The following CADPS2 variants were observed in gnomAD, a reference collection of about 807,000 sequenced individuals.
CADPS2 encodes the protein calcium dependent secretion activator 2, also known as calcium-dependent secretion activator 2.
CADPS2 carries 93 observed loss-of-function variants against 172.5 expected under a neutral mutation model. The ratio of observed to expected loss-of-function variants is 0.54; its 90% CI spans 0.46 to 0.64. The LOEUF (loss-of-function observed/expected upper bound fraction) is 0.64. Among genes scored for constraint, CADPS2 ranks in the 30% least tolerant of loss-of-function variants. The probability of loss-of-function intolerance (pLI) is 0.00; values close to 1 mark genes in which losing one functional copy is unlikely to be tolerated. For synonymous variants in CADPS2, 546 were observed against 555.2 expected (o/e 0.98, Z 0.23); for missense variants, 1,420 against 1,565.9 (o/e 0.91, Z 1.57).
chr7:122,341,339 A>G (rs1287053904), intron 28 of CADPS2, among the ~76,000 whole-genome samples: 1 of 152,218 alleles, frequency 6.6e-6, no homozygotes, highest in Non-Finnish European at 1.5e-5. Flanking sequence ...CCTTTATGCA[A>G]TCAGTCCAGT....
chr7:122,457,662 C>T (rs2053952461), intron 14 of CADPS2, among the ~76,000 whole-genome samples: 8 of 152,154 alleles, frequency 5.3e-5, no homozygotes. Flanking sequence ...GCCCACATTC[C>T]TCCTGAAAAT....
chr7:122,527,617 A>AGAGAGAGAGAGAGAGAGAGAGAGT, intron 8 of CADPS2, among the ~76,000 whole-genome samples: 1 of 83,806 alleles, frequency 1.2e-5, no homozygotes, highest in Non-Finnish European at 2.6e-5. Flanking sequence ...AGAGAGAGAG[A>AGAGAGAGAGAGAGAGAGAGAGAGT]GTGTGTGTGT....
intron 5 of CADPS2, among the ~76,000 whole-genome samples, chr7:122,618,086 T>C (rs1290581005): frequency 6.6e-6 from 1 of 152,106 alleles, no homozygotes; most frequent in East Asian, 1.9e-4. Context: ...CTGATAACAT[T>C]CCCCCACTTT....
chr7:122,576,167 C>G (rs1239467399), intron 7 of CADPS2, among the ~76,000 whole-genome samples: 6 of 152,052 alleles, frequency 3.9e-5, no homozygotes, highest in Non-Finnish European at 5.9e-5. Context: ...GAGTACTGGC[C>G]AATTATCCTG....
chr7:122,631,017 A>G (rs1251998413), intron 3 of CADPS2, among the ~76,000 whole-genome samples: 2 of 152,162 alleles, frequency 1.3e-5, no homozygotes, highest in Non-Finnish European at 2.9e-5. Flanking sequence ...AATGATTAAA[A>G]TTAAAAACTA....
intron 1 of CADPS2, among the ~76,000 whole-genome samples, chr7:122,754,188 C>A (rs2093065130): frequency 6.6e-6 from 1 of 152,142 alleles, no homozygotes; most frequent in African/African-American, 2.4e-5. Flanking sequence ...CTTTTCAAAA[C>A]TGTCCCTATT....
intron 2 of CADPS2, among the ~76,000 whole-genome samples, chr7:122,720,098 G>C (rs1436834456): frequency 6.6e-6 from 1 of 152,036 alleles, no homozygotes; most frequent in Non-Finnish European, 1.5e-5. Context: ...ATAATCAGTG[G>C]ATACTTGAAA....
Position 122,467,852 on chromosome 7 carries a change from C to T in CADPS2, c.2186+3523G>A, listed in dbSNP as rs986140178. 9.2e-5 allele frequency among the ~76,000 whole-genome samples: 14 copies of T among 152,138 alleles called. No individual in the cohort carries two copies. In the East Asian group the frequency reaches 1.3e-3, roughly 15 times the overall value. ...TTTTCTCCTTCCTGTCAGTCCTCAG[C>T]GGCACTATGGCTGAATGAGTGGTTG... On this transcript the variant is annotated intron_variant, in intron 14 of 29. Transcript: ENST00000449022.
Position 122,673,160 on chromosome 7 carries a change from G to T in CADPS2, c.454-9591C>A, listed in dbSNP as rs568266659. 5.9e-5 allele frequency among the ~76,000 whole-genome samples: 9 copies of T among 152,154 alleles called. No individual in the cohort carries two copies. In the South Asian group the frequency reaches 1.9e-3, roughly 32 times the overall value. On this transcript the variant is annotated intron_variant, in intron 2 of 29. Transcript: ENST00000449022. Reference sequence around the variant, plus strand: ...GTGAGTGTTACAGCTCTTAAAGGCGGTGCGGACCCAAAGAGTGAACAGCAG... The same window carrying T: ...GTGAGTGTTACAGCTCTTAAAGGCGTTGCGGACCCAAAGAGTGAACAGCAG...
intron 15 of CADPS2, among the ~76,000 whole-genome samples, chr7:122,442,910 T>C (rs2051562973): frequency 6.6e-6 from 1 of 152,210 alleles, no homozygotes. Context: ...AACCAATTTA[T>C]TTTGATAGTT....
intron 19 of CADPS2, among the ~76,000 whole-genome samples, chr7:122,410,835 T>C (rs1257535481): frequency 2.0e-5 from 3 of 152,262 alleles, no homozygotes; most frequent in Non-Finnish European, 4.4e-5. Context: ...AAATGGTGTT[T>C]ATGTGCCAAG....
At chr7:122,793,488 T>G (rs1795716111) in intron 1 of CADPS2, among the ~76,000 whole-genome samples, 1 of 152,210 alleles carries the variant, frequency 6.6e-6, no homozygotes, top group African/African-American at 2.4e-5. Flanking sequence ...TGGTAGATTT[T>G]TCTCCATCCT....
intron 17 of CADPS2, chr7:122,436,522 C>A (rs1365636861): frequency 7.5e-6 from 2 of 266,880 alleles, no homozygotes; most frequent in Non-Finnish European, 6.8e-6. Context: ...CTTTTTTTTT[C>A]TTTTTTAAGA....
At chr7:122,630,961 C>T (rs71574709) in intron 3 of CADPS2, among the ~76,000 whole-genome samples, 6,157 of 152,084 alleles carry the variant, frequency 0.04, 199 homozygotes, top group Non-Finnish European at 0.05. Flanking sequence ...TAATATGATT[C>T]AAAATCAAAC....
At chr7:122,382,925 C>A (rs1179324629) in intron 24 of CADPS2, among the ~76,000 whole-genome samples, 1 of 152,092 alleles carries the variant, frequency 6.6e-6, no homozygotes, top group South Asian at 2.1e-4. Context: ...TAAGACAGAG[C>A]TACCATTTGA....
At chr7:122,544,318 C>T (rs1189513382) in intron 8 of CADPS2, among the ~76,000 whole-genome samples, 3 of 152,108 alleles carry the variant, frequency 2.0e-5, no homozygotes, top group African/African-American at 7.2e-5. Context: ...ATTAATCCAG[C>T]TCCATGCATT....
At chr7:122,826,811 T>C (rs1223641320) in intron 1 of CADPS2, among the ~76,000 whole-genome samples, 1 of 151,774 alleles carries the variant, frequency 6.6e-6, no homozygotes, top group Non-Finnish European at 1.5e-5. Context: ...GAAAGGAAAA[T>C]TTGTAGCATT....
intron 2 of CADPS2, among the ~76,000 whole-genome samples, chr7:122,672,231 A>G (rs1247417271): frequency 6.6e-6 from 1 of 152,240 alleles, no homozygotes. Context: ...ACATCCTTTC[A>G]TAACAACAGT....
intron 14 of CADPS2, among the ~76,000 whole-genome samples, chr7:122,470,013 TG>T (rs1222552540): frequency 6.6e-6 from 1 of 152,188 alleles, no homozygotes; most frequent in Non-Finnish European, 1.5e-5. Context: ...ACAGATTTTT[TG>T]CGGTAAAATT....
Sources: allele counts gnomAD v4.1 joint callset (sites outside exome capture counted in the v4.1 genomes callset), GRCh38; gene constraint gnomAD v4.1.1; transcripts MANE v1.5; gene names NCBI Gene and HGNC (gene_info 2026-07-23, HGNC 2026-07-21).